Variants in TAFA1 observed in about 807,000 individuals in gnomAD.
TAFA1 encodes the protein TAFA chemokine like family member 1.
In TAFA1, 4 loss-of-function variants were observed where a neutral mutation model predicts 18.5. That is an observed-to-expected ratio of 0.22 (90% CI 0.11 to 0.49). The LOEUF is 0.49. Ranked by LOEUF, TAFA1 falls within the 20% of genes least tolerant of loss-of-function variation. The pLI is 0.98. For synonymous variants in TAFA1, 56 were observed against 55.2 expected (o/e 1.01, Z -0.06); for missense variants, 147 against 169.0 (o/e 0.87, Z 0.72).
At chr3:68,396,852 C>G (rs2070391941) in intron 2 of TAFA1, among the ~76,000 whole-genome samples, 1 of 152,182 alleles carries the variant, frequency 6.6e-6, no homozygotes, top group South Asian at 2.1e-4. Flanking sequence ...AAGAACTACT[C>G]AGTGTCCTCT....
At chr3:68,320,629 C>T (rs912747303) in intron 2 of TAFA1, among the ~76,000 whole-genome samples, 7 of 152,162 alleles carry the variant, frequency 4.6e-5, no homozygotes, top group Admixed American at 1.3e-4. Context: ...CTCCCTGTGA[C>T]CCAGGGCCAG....
chr3:68,083,204 G>A (rs911159297), intron 2 of TAFA1, among the ~76,000 whole-genome samples: 1 of 152,144 alleles, frequency 6.6e-6, no homozygotes, highest in Non-Finnish European at 1.5e-5. Flanking sequence ...GCTCTATCCA[G>A]AAACAAAATA....
chr3:68,029,909 G>A (rs1012187449), intron 2 of TAFA1, among the ~76,000 whole-genome samples: 5 of 152,102 alleles, frequency 3.3e-5, no homozygotes, highest in East Asian at 1.9e-4. Flanking sequence ...GGTATGGGAC[G>A]ATAGTTAAGA....
At chr3:68,190,233 T>C (rs1471610718) in intron 2 of TAFA1, among the ~76,000 whole-genome samples, 1 of 151,882 alleles carries the variant, frequency 6.6e-6, no homozygotes, top group African/African-American at 2.4e-5. Flanking sequence ...GTGAAAGAGA[T>C]GATGAATTAG....
chr3:68,514,933 A>G lies in TAFA1; in HGVS notation c.260-23823A>G, dbSNP rs370134831. On this transcript the variant is annotated intron_variant, in intron 3 of 4. Coordinates refer to ENST00000478136, the MANE Select transcript of TAFA1 (RefSeq NM_213609.4). The stretch of plus-strand genomic sequence containing the variant: ...GTTTTTATTGGTAGCAATTTGGATA[A>G]GGTTTGGCAGGATGATTCTTCAGAA... Among the ~76,000 whole-genome samples the G allele has an allele frequency of 1.2e-3, 183 of 151,542 alleles. 6 individuals carry two copies. The South Asian group carries it at 0.038, about 31-fold the overall frequency.
chr3:68,402,020 A>G (rs913333847), intron 2 of TAFA1, among the ~76,000 whole-genome samples: 3 of 152,194 alleles, frequency 2.0e-5, no homozygotes, highest in African/African-American at 7.2e-5. Flanking sequence ...AGTGTTTCTT[A>G]TTATAATTTC....
chr3:68,396,839 T>G (rs2070391707), intron 2 of TAFA1, among the ~76,000 whole-genome samples: 1 of 152,224 alleles, frequency 6.6e-6, no homozygotes, highest in Non-Finnish European at 1.5e-5. Flanking sequence ...GTTAAAATCT[T>G]TTAAGAACTA....
intron 3 of TAFA1, among the ~76,000 whole-genome samples, chr3:68,515,006 A>T (rs989817462): frequency 2.6e-5 from 4 of 152,174 alleles, no homozygotes; most frequent in Non-Finnish European, 5.9e-5. Flanking sequence ...CTACTCATGG[A>T]CAGAGGTCCA....
At chr3:68,209,982 A>G (rs950384574) in intron 2 of TAFA1, among the ~76,000 whole-genome samples, 1 of 152,002 alleles carries the variant, frequency 6.6e-6, no homozygotes, top group Non-Finnish European at 1.5e-5. Context: ...ACAGTTAAAC[A>G]TGGTCTGAAA....
rs563124077 is a variant in TAFA1 at position 68,075,294 on chromosome 3, C to T, written c.118+68550C>T. 2.9e-4 allele frequency among the ~76,000 whole-genome samples: 44 copies of T among 152,260 alleles called. 1 individual carries two copies. The highest frequency in any genetic ancestry group is 7.8e-4 in the Admixed American group (12 of 15,294). ...ACCTCTGAGATTCTGACTCTTACTC[C>T]TAGGCTAATAGACTATTTGTGACCT... On this transcript the variant is annotated intron_variant, in intron 2 of 4. Coordinates refer to ENST00000478136, the MANE Select transcript of TAFA1 (RefSeq NM_213609.4).
intron 2 of TAFA1, among the ~76,000 whole-genome samples, chr3:68,111,234 A>G (rs1193806149): frequency 6.6e-6 from 1 of 152,216 alleles, no homozygotes; most frequent in Non-Finnish European, 1.5e-5. Flanking sequence ...GCAATCTACT[A>G]GTAGCTGACT....
At chr3:68,244,628 G>T (rs892271415) in intron 2 of TAFA1, among the ~76,000 whole-genome samples, 1 of 151,994 alleles carries the variant, frequency 6.6e-6, no homozygotes, top group Non-Finnish European at 1.5e-5. Context: ...CACCCACCTT[G>T]GTCTCCTAAA....
chr3:68,435,809 G>A lies in TAFA1; in HGVS notation c.259+18389G>A, dbSNP rs564941334. On this transcript the variant is annotated intron_variant, in intron 3 of 4. Coordinates refer to ENST00000478136, the MANE Select transcript of TAFA1 (RefSeq NM_213609.4). Reference sequence around the variant, plus strand: ...CATTCTACTTATGCAGAAAAAGTAAGAAGGACTGAGAATAACATATCTTAA... The same window carrying A: ...CATTCTACTTATGCAGAAAAAGTAAAAAGGACTGAGAATAACATATCTTAA... Among the ~76,000 whole-genome samples, 59 of 152,304 alleles carry A rather than the reference G, an allele frequency of 3.9e-4. No homozygotes were observed. The South Asian group carries it at 5.4e-3, about 14-fold the overall frequency.
the TAFA1 span, among the ~76,000 whole-genome samples, chr3:67,993,174 G>A: frequency 6.6e-6 from 1 of 152,226 alleles, no homozygotes; most frequent in Non-Finnish European, 1.5e-5. Flanking sequence ...TTGGGTAGTA[G>A]GCTTGATACT....
intron 4 of TAFA1, among the ~76,000 whole-genome samples, chr3:68,543,078 T>C (rs955939223): frequency 2.0e-5 from 3 of 152,170 alleles, no homozygotes; most frequent in Non-Finnish European, 2.9e-5. Flanking sequence ...GGGACGTATG[T>C]GGCTTTTGAA....
chr3:68,100,433 A>G (rs1361765129), intron 2 of TAFA1, among the ~76,000 whole-genome samples: 3 of 152,062 alleles, frequency 2.0e-5, no homozygotes, highest in African/African-American at 7.2e-5. Flanking sequence ...GCAATGGGCC[A>G]AGAGCACTCC....
At chr3:68,531,968 A>T (rs2073194241) in intron 3 of TAFA1, among the ~76,000 whole-genome samples, 2 of 152,198 alleles carry the variant, frequency 1.3e-5, no homozygotes, top group African/African-American at 2.4e-5. Flanking sequence ...TTATTATTGC[A>T]TTGACTATCT....
chr3:68,117,597 A>G (rs1006162731), intron 2 of TAFA1, among the ~76,000 whole-genome samples: 1 of 152,218 alleles, frequency 6.6e-6, no homozygotes, highest in African/African-American at 2.4e-5. Context: ...ACTTCTGCAA[A>G]TGAGAGTTTC....
intron 2 of TAFA1, among the ~76,000 whole-genome samples, chr3:68,202,761 A>G (rs147820158): frequency 2.0e-4 from 31 of 151,884 alleles, no homozygotes; most frequent in African/African-American, 7.2e-4. Context: ...AATAAGTATT[A>G]GATATCCTAT....
Sources: allele counts gnomAD v4.1 joint callset (sites outside exome capture counted in the v4.1 genomes callset), GRCh38; gene constraint gnomAD v4.1.1; transcripts MANE v1.5; gene names NCBI Gene and HGNC (gene_info 2026-07-23, HGNC 2026-07-21).